Variants in WWOX observed in about 807,000 individuals in gnomAD.
The protein encoded by WWOX is WW domain containing oxidoreductase, also known as WW domain-containing oxidoreductase.
WWOX carries 69 observed loss-of-function variants against 46.2 expected under a neutral mutation model. That is an observed-to-expected ratio of 1.49 (90% confidence interval 1.23 to 1.82). WWOX has a LOEUF of 1.82. Among genes scored for constraint, WWOX ranks in the 40% most tolerant of loss-of-function variants. The pLI is 0.00. For missense variants in WWOX, 919 were observed against 542.6 expected (o/e 1.69, Z -6.89); for synonymous variants, 359 against 202.6 (o/e 1.77, Z -6.56).
intron 8 of WWOX, among the ~76,000 whole-genome samples, chr16:78,719,968 T>C (rs1424309656): frequency 2.6e-5 from 4 of 152,194 alleles, no homozygotes; most frequent in African/African-American, 9.7e-5. Context: ...CTAGTCTCAA[T>C]TCAATTTAAA....
chr16:78,817,943 G>A (rs1334340887), intron 8 of WWOX, among the ~76,000 whole-genome samples: 1 of 151,116 alleles, frequency 6.6e-6, no homozygotes, highest in Non-Finnish European at 1.5e-5. Context: ...AGTTTGTTGT[G>A]AAGAACACGT....
rs111238843 is a variant in WWOX, at chr16:78,925,092, G to A, written c.1057-286516G>A. On this transcript the variant is annotated intron_variant, in intron 8 of 8. Coordinates refer to ENST00000566780, the MANE Select transcript of WWOX (RefSeq NM_016373.4). ...TGCCTGTAGTCCCAGTTACTGGGGA[G>A]GCTGAGATGGGATGATTGGTTGAGC... Among the ~76,000 whole-genome samples, 123 of 152,298 alleles carry A rather than the reference G, an allele frequency of 8.1e-4. 1 individual carries two copies. The highest frequency in any genetic ancestry group is 2.8e-3 in the African/African-American group (117 of 41,566).
chr16:79,201,343 CTTTTT>C (rs5818210), intron 8 of WWOX, among the ~76,000 whole-genome samples: 4 of 143,616 alleles, frequency 2.8e-5, no homozygotes, highest in Non-Finnish European at 4.5e-5. Flanking sequence ...TTTTTCTTTT[CTTTTT>C]TTTTTTTTTT....
chr16:79,092,506 A>C (rs1402368179), intron 8 of WWOX, among the ~76,000 whole-genome samples: 1 of 152,202 alleles, frequency 6.6e-6, no homozygotes, highest in Non-Finnish European at 1.5e-5. Flanking sequence ...CCAGGAGCCC[A>C]GCTCTTTCCC....
chr16:79,123,463 G>T (rs1416005516), intron 8 of WWOX, among the ~76,000 whole-genome samples: 1 of 152,118 alleles, frequency 6.6e-6, no homozygotes, highest in East Asian at 1.9e-4. Flanking sequence ...TCTTTTTCCT[G>T]CTTGCCAGAC....
intron 8 of WWOX, among the ~76,000 whole-genome samples, chr16:78,497,720 G>A (rs892961561): frequency 6.6e-6 from 1 of 152,192 alleles, no homozygotes; most frequent in Non-Finnish European, 1.5e-5. Context: ...TTTCCAAAAT[G>A]TGGACTCTCA....
intron 5 of WWOX, among the ~76,000 whole-genome samples, chr16:78,272,840 C>T (rs535548271): frequency 1.9e-4 from 29 of 152,174 alleles, no homozygotes; most frequent in African/African-American, 5.5e-4. Context: ...AAGGACTCAT[C>T]GGTAAGGAGT....
At chr16:78,315,069 A>G (rs1226344155) in intron 5 of WWOX, among the ~76,000 whole-genome samples, 1 of 152,056 alleles carries the variant, frequency 6.6e-6, no homozygotes, top group Non-Finnish European at 1.5e-5. Flanking sequence ...ATCATCTATC[A>G]TCTAGCTATC....
intron 8 of WWOX, among the ~76,000 whole-genome samples, chr16:79,025,372 A>T (rs921790013): frequency 1.3e-5 from 2 of 152,218 alleles, no homozygotes; most frequent in Admixed American, 1.3e-4. Flanking sequence ...GGGTCTTTGC[A>T]GATAAGTTCA....
At chr16:78,474,695 G>A (rs767002247) in intron 8 of WWOX, among the ~76,000 whole-genome samples, 1 of 151,716 alleles carries the variant, frequency 6.6e-6, no homozygotes, top group African/African-American at 2.4e-5. Flanking sequence ...TTACCTGAAG[G>A]AGAAAGCCTG....
intron 8 of WWOX, among the ~76,000 whole-genome samples, chr16:79,170,008 C>T (rs1203459081): frequency 6.6e-6 from 1 of 152,140 alleles, no homozygotes; most frequent in African/African-American, 2.4e-5. Flanking sequence ...ATCTTTAGGA[C>T]ACCTTCATTA....
intron 5 of WWOX, among the ~76,000 whole-genome samples, chr16:78,188,104 A>G (rs367839945): frequency 6.6e-6 from 1 of 152,228 alleles, no homozygotes; most frequent in Admixed American, 6.5e-5. Context: ...CTAGCTATTT[A>G]TATGAAATTT....
At chr16:78,590,036 T>C (rs547269824) in intron 8 of WWOX, among the ~76,000 whole-genome samples, 1 of 152,256 alleles carries the variant, frequency 6.6e-6, no homozygotes, top group East Asian at 1.9e-4. Flanking sequence ...CGCACTGTGA[T>C]AAGTCCTAGG....
chr16:78,971,079 A>G (rs2046459317), intron 8 of WWOX, among the ~76,000 whole-genome samples: 1 of 152,086 alleles, frequency 6.6e-6, no homozygotes. Flanking sequence ...ATACATATGT[A>G]TATGTATATC....
chr16:78,974,363 T>A (rs879009782), intron 8 of WWOX, among the ~76,000 whole-genome samples: 1 of 152,178 alleles, frequency 6.6e-6, no homozygotes, highest in Admixed American at 6.5e-5. Flanking sequence ...ACATCTTAAT[T>A]GAACAGTACG....
intron 5 of WWOX, among the ~76,000 whole-genome samples, chr16:78,254,326 C>A (rs1014810232): frequency 2.6e-5 from 4 of 151,902 alleles, no homozygotes; most frequent in African/African-American, 4.8e-5. Flanking sequence ...CTCAAGCAAT[C>A]CTCCCACCTC....
In WWOX at chr16:79,104,043, G is replaced by T. The variant is rs866553545; in HGVS notation, c.1057-107565G>T. 5.7e-3 allele frequency among the ~76,000 whole-genome samples: 712 copies of T among 123,960 alleles called. 37 individuals are homozygous for T. The highest frequency in any genetic ancestry group is 0.02 in the African/African-American group (683 of 33,326). The allele number at this position is 123,960 out of a possible 152,430, so 81.3% of individuals were successfully genotyped here. On this transcript the variant is annotated intron_variant, in intron 8 of 8. Transcript: ENST00000566780. The stretch of plus-strand genomic sequence containing the variant: ...ATGTGGTGGTGCCCTTTTTTGGGGG[G>T]GGGGGGGCGGGTGGTGGGGGTACTT...
At chr16:78,936,352 C>T (rs79280386) in intron 8 of WWOX, among the ~76,000 whole-genome samples, 1 of 152,142 alleles carries the variant, frequency 6.6e-6, no homozygotes, top group Non-Finnish European at 1.5e-5. Context: ...TGGAATGACT[C>T]TGAACCTTTT....
At chr16:79,176,504 C>G (rs917814278) in intron 8 of WWOX, among the ~76,000 whole-genome samples, 11 of 152,224 alleles carry the variant, frequency 7.2e-5, no homozygotes, top group Admixed American at 3.9e-4. Context: ...TGAGGATACA[C>G]ACAGTTTTCT....
Sources: gnomAD v4.1 joint callset for allele counts (sites outside exome capture counted in the v4.1 genomes callset) on GRCh38, gnomAD v4.1.1 for gene constraint, MANE v1.5 for transcripts, NCBI Gene and HGNC (gene_info 2026-07-23, HGNC 2026-07-21) for gene names.